Variants in DMD observed in about 807,000 individuals in gnomAD.
DMD encodes dystrophin.
A neutral mutation model predicts 330.1 loss-of-function variants in DMD; 63 were observed. That is an observed-to-expected ratio of 0.19 (90% CI 0.16 to 0.24). The LOEUF (loss-of-function observed/expected upper bound fraction) is 0.24, where lower values mean the gene tolerates loss of function less well. Ranked by LOEUF, DMD falls within the 10% of genes least tolerant of loss-of-function variation. The pLI is 1.00. For missense variants in DMD, 3,344 were observed against 2,684.1 expected, an observed-to-expected ratio of 1.25 and a Z score of -5.43; for synonymous variants, 1,223 against 959.8, an observed-to-expected ratio of 1.27 and a Z score of -5.07.
At chrX:31,957,445 T>C (rs2095257817) in intron 45 of DMD, among the ~76,000 whole-genome samples, 1 of 111,702 alleles carries the variant, frequency 9.0e-6, no homozygotes, top group South Asian at 3.7e-4. Context: ...AAAGATATGC[T>C]TGTGTTTGTG....
intron 4 of DMD, among the ~76,000 whole-genome samples, chrX:32,835,890 A>C (rs754013839): frequency 9.0e-6 from 1 of 111,293 alleles, no homozygotes; most frequent in Non-Finnish European, 1.9e-5. Flanking sequence ...TCCTTTAAAA[A>C]TCAGAGGGCT....
rs182786360 is a variant in DMD, at chrX:31,686,601, A to G, written c.7661-7015T>C. ...AATATCTGTGCCTTATATAAAATCC[A>G]TAAATTAAAAGATATGGGAGGGTCA... On this transcript the variant is annotated intron_variant, in intron 52 of 78. Coordinates refer to ENST00000357033, the MANE Select transcript of DMD (RefSeq NM_004006.3). Among the ~76,000 whole-genome samples, 4 of 112,469 alleles carry G rather than the reference A, an allele frequency of 3.6e-5. No individual in the cohort carries two copies. In the Admixed American group the frequency reaches 3.8e-4, roughly 11 times the overall value.
At chrX:32,225,736 T>A (rs962787331) in intron 43 of DMD, among the ~76,000 whole-genome samples, 1 of 106,496 alleles carries the variant, frequency 9.4e-6, no homozygotes, top group Non-Finnish European at 1.9e-5. Flanking sequence ...CCACCAACTC[T>A]CTCTCTCTGC....
intron 31 of DMD, 126 bp from the exon 32 acceptor site, chrX:32,389,800 A>T: frequency 1.4e-6 from 1 of 705,551 alleles, no homozygotes; most frequent in South Asian, 2.5e-5. Context: ...AAAATAAAGC[A>T]GTATTTTTCC....
intron 44 of DMD, among the ~76,000 whole-genome samples, chrX:31,990,455 A>C (rs905653504): frequency 8.9e-6 from 1 of 112,108 alleles, no homozygotes; most frequent in Admixed American, 9.4e-5. Flanking sequence ...TATTGTAGTT[A>C]CCATATGAGC....
intron 30 of DMD, among the ~76,000 whole-genome samples, chrX:32,407,763 C>A (rs1029509976): frequency 1.8e-5 from 2 of 109,787 alleles, no homozygotes; most frequent in African/African-American, 6.6e-5. Flanking sequence ...GAAAATGTGG[C>A]ACATATACAC....
At chrX:31,408,949 A>G (rs1372520130) in intron 60 of DMD, among the ~76,000 whole-genome samples, 1 of 110,069 alleles carries the variant, frequency 9.1e-6, no homozygotes, top group Non-Finnish European at 1.9e-5. Flanking sequence ...CCCAACCCCA[A>G]AACATTCCCC....
chrX:31,433,695 G>A (rs2064253344), intron 60 of DMD, among the ~76,000 whole-genome samples: 1 of 110,887 alleles, frequency 9.0e-6, no homozygotes, highest in African/African-American at 3.3e-5. Context: ...CTAACCTCAG[G>A]TGATCCACCC....
At position 32,844,856 on chromosome X, in the gene DMD, T is replaced by G. The variant is rs1482045034; in HGVS notation, c.191A>C (p.Lys64Thr). The change falls in exon 4 of 79, where the codon AAA (lysine) becomes ACA (threonine). Residue 64 changes from lysine (K) to threonine (T), a missense_variant. Coordinates refer to ENST00000357033, the MANE Select transcript of DMD (RefSeq NM_004006.3). ...ATGAACTCTTGTGGATCCTTTTTCT[T>G]TTGGCTGAGAACAAAACAAAAGAGT... ...LEGLTGQKLP[K>T]EKGSTRVHAL... The G allele has an allele frequency of 1.7e-6, 2 of 1,207,494 alleles. No homozygotes were observed. Among genetic ancestry groups the G allele is most frequent in the Admixed American group, 2.2e-5 (1 of 45,671 alleles).
intron 1 of DMD, among the ~76,000 whole-genome samples, chrX:33,257,293 T>C (rs1310821497): frequency 9.0e-6 from 1 of 111,292 alleles, no homozygotes; most frequent in Non-Finnish European, 1.9e-5. Flanking sequence ...TATGTAGAGA[T>C]GGTCCTCCCT....
intron 12 of DMD, among the ~76,000 whole-genome samples, chrX:32,600,909 C>CA (rs1028687200): frequency 9.1e-6 from 1 of 110,412 alleles, no homozygotes; most frequent in African/African-American, 3.3e-5. Flanking sequence ...GTCTCATGAA[C>CA]AAAAAAATCC....
At chrX:33,201,589 G>A (rs1255240683) in intron 1 of DMD, among the ~76,000 whole-genome samples, 1 of 111,487 alleles carries the variant, frequency 9.0e-6, no homozygotes, top group African/African-American at 3.3e-5. Flanking sequence ...TACACTATAT[G>A]AATGTATGCA....
intron 2 of DMD, among the ~76,000 whole-genome samples, chrX:32,999,078 A>G (rs1357417675): frequency 1.8e-5 from 2 of 112,680 alleles, no homozygotes; most frequent in Non-Finnish European, 3.7e-5. Flanking sequence ...ATGCAGAACC[A>G]GAAAACAAAC....
rs767899059 is a variant in DMD at position 31,905,435 on chromosome X, A to G, written c.6912+24161T>C. Among the ~76,000 whole-genome samples the G allele has an allele frequency of 8.1e-5, 9 of 111,501 alleles. No individual in the cohort carries two copies. The East Asian group carries it at 2.3e-3, about 28-fold the overall frequency. On this transcript the variant is annotated intron_variant, in intron 47 of 78. Transcript: ENST00000357033. ...CAATTTTCTAAATTTTACATGTTAAATTGGAAGTAAGATTTATGTTAAACT... is the reference window on the plus strand; with the variant it reads ...CAATTTTCTAAATTTTACATGTTAAGTTGGAAGTAAGATTTATGTTAAACT...
intron 2 of DMD, among the ~76,000 whole-genome samples, chrX:32,964,914 A>G (rs1388694035): frequency 8.9e-6 from 1 of 112,020 alleles, no homozygotes; most frequent in East Asian, 2.8e-4. Flanking sequence ...CATCTTGAGT[A>G]AAAAAAGAAC....
intron 50 of DMD, among the ~76,000 whole-genome samples, chrX:31,812,290 C>T (rs1225052591): frequency 9.3e-6 from 1 of 107,767 alleles, no homozygotes; most frequent in Non-Finnish European, 1.9e-5. Flanking sequence ...AGCTGTAAAC[C>T]ATCATTCTCA....
chrX:32,492,067 C>T (rs1023271482), intron 19 of DMD, among the ~76,000 whole-genome samples: 25 of 112,083 alleles, frequency 2.2e-4, no homozygotes, highest in African/African-American at 7.4e-4. Flanking sequence ...CGGCTGGGCA[C>T]GGTGGCTCAT....
intron 67 of DMD, among the ~76,000 whole-genome samples, chrX:31,186,950 T>A (rs1006906444): frequency 2.0e-4 from 22 of 112,542 alleles, no homozygotes; most frequent in African/African-American, 7.1e-4. Flanking sequence ...CCTGAACACC[T>A]GTGTCCAGAT....
intron 50 of DMD, among the ~76,000 whole-genome samples, chrX:31,782,909 A>C (rs2149278814): frequency 8.9e-6 from 1 of 111,904 alleles, no homozygotes; most frequent in Admixed American, 9.5e-5. Context: ...GAAGAAAGTA[A>C]CACTTTTAGC....
Sources: allele counts gnomAD v4.1 joint callset (sites outside exome capture counted in the v4.1 genomes callset), GRCh38; gene constraint gnomAD v4.1.1; transcripts MANE v1.5; gene names NCBI Gene and HGNC (gene_info 2026-07-23, HGNC 2026-07-21).